The following TLDC2 variants were observed in gnomAD, a reference collection of about 807,000 sequenced individuals.
TLDC2 encodes TLD domain-containing protein 2.
Under a neutral mutation model 27.9 loss-of-function variants are expected in TLDC2, and 23 were observed. The observed-to-expected ratio is 0.82, with a 90% CI of 0.59 to 1.17. TLDC2 has a LOEUF of 1.17. TLDC2 is among the 50% of genes most tolerant of loss of function. The pLI is 0.00. For missense variants in TLDC2, 286 were observed against 273.4 expected (o/e 1.05, Z -0.32); for synonymous variants, 124 against 107.4 (o/e 1.16, Z -0.96).
At chr20:36,880,785 C>T (rs775014373) in intron 4 of TLDC2, 35 bp downstream of exon 4, 7 of 1,597,078 alleles carry the variant, frequency 4.4e-6, no homozygotes, top group Middle Eastern at 1.7e-4. Context: ...GGGAGTGGGG[C>T]GTGTGGCGAG....
intron 4 of TLDC2, among the ~76,000 whole-genome samples, chr20:36,884,284 C>A (rs1285736418): frequency 6.6e-6 from 1 of 152,200 alleles, no homozygotes; most frequent in Non-Finnish European, 1.5e-5. Flanking sequence ...CTGCTCCAAC[C>A]ACACTGGCCT....
intron 4 of TLDC2, among the ~76,000 whole-genome samples, chr20:36,881,113 G>A (rs1989805203): frequency 6.6e-6 from 1 of 152,160 alleles, no homozygotes; most frequent in Non-Finnish European, 1.5e-5. Flanking sequence ...CAGGCACCGT[G>A]GCTCATGCCT....
Position 36,893,530 on chromosome 20 carries a change from T to A in TLDC2, c.*686T>A. The A allele has an allele frequency of 3.6e-6, 1 of 274,148 alleles. No individual in the cohort carries two copies. The highest frequency in any genetic ancestry group is 6.8e-6 in the Non-Finnish European group (1 of 147,366). 17.0% of individuals were successfully genotyped at this position (274,148 alleles called of 1,614,324 possible). Reference sequence around the variant, plus strand: ...TTTAAATTTTTCTCTGCATCAAAGCTCTAACGTTGGTCCCATCAGCATAGG... The same window carrying A: ...TTTAAATTTTTCTCTGCATCAAAGCACTAACGTTGGTCCCATCAGCATAGG... On this transcript the variant is annotated 3_prime_UTR_variant, in exon 7 of 7. Coordinates refer to ENST00000217320, the MANE Select transcript of TLDC2 (RefSeq NM_080628.3).
In TLDC2 at chr20:36,893,089, C is replaced by A. The variant is rs749631141; in HGVS notation, c.*245C>A. The A allele has an allele frequency of 5.6e-6, 9 of 1,610,614 alleles. No individual in the cohort carries two copies. The East Asian group carries it at 1.6e-4, about 28-fold the overall frequency. ...ATCCTATTAGGAAGAGAGAGAAAAACAGGCAATAGAGAAAAGCCAGTTTCC... is the reference window on the plus strand; with the variant it reads ...ATCCTATTAGGAAGAGAGAGAAAAAAAGGCAATAGAGAAAAGCCAGTTTCC... On this transcript the variant is annotated 3_prime_UTR_variant, in exon 7 of 7. Transcript: ENST00000217320.
intron 2 of TLDC2, 149 bp downstream of exon 2, chr20:36,878,203 C>G: frequency 1.2e-6 from 1 of 860,016 alleles, no homozygotes; most frequent in Non-Finnish European, 1.7e-6. Context: ...CTTCTTCTCT[C>G]GGGGCTTTGC....
At position 36,887,497 on chromosome 20, in the gene TLDC2, G is replaced by T; in HGVS notation, c.481G>T (p.Asp161Tyr). The T allele has an allele frequency of 6.2e-7, 1 of 1,614,178 alleles. No homozygotes were observed. Among genetic ancestry groups the T allele is most frequent in the Non-Finnish European group, 8.5e-7 (1 of 1,180,016 alleles). The part of the protein sequence containing the change: ...TGSNSFFVKG[D>Y]LDSLMMGSGS... ...AAGCAACTCTTTCTTTGTGAAGGGA[G>T]ACTTGGATTCACTGATGATGGGCAG... Residue 161 changes from aspartate to tyrosine, a missense_variant, in exon 5 of 7, where the codon GAC (aspartate) becomes TAC (tyrosine). Coordinates refer to ENST00000217320, the MANE Select transcript of TLDC2 (RefSeq NM_080628.3).
At position 36,876,162 on chromosome 20, in the gene TLDC2, C is replaced by A; in HGVS notation, c.-13C>A. ...CACTCACTGCCCACGGCCGGCTGAG[C>A]AGGGACAGGAGAATGAGAGGCCTCC... On this transcript the variant is annotated 5_prime_UTR_variant, in exon 1 of 7. Transcript: ENST00000217320. The A allele has an allele frequency of 6.2e-7, 1 of 1,614,078 alleles. No individual in the cohort carries two copies. The highest frequency in any genetic ancestry group is 2.2e-5 in the East Asian group (1 of 44,878).
chr20:36,889,415 T>C lies in TLDC2; in HGVS notation c.*17+12T>C. On this transcript the variant is annotated intron_variant, in intron 6 of 6. Transcript: ENST00000217320. ...CCCTGCGGCAACAGGTACTCAGCCCTGCTCATGATGCCACCCAGGCCTTCC... is the reference window on the plus strand; with the variant it reads ...CCCTGCGGCAACAGGTACTCAGCCCCGCTCATGATGCCACCCAGGCCTTCC... 5.0e-6 allele frequency: 8 copies of C among 1,608,620 alleles called. No individual in the cohort carries two copies. Among genetic ancestry groups the C allele is most frequent in the Non-Finnish European group, 6.8e-6 (8 of 1,178,136 alleles).
Position 36,892,900 on chromosome 20 carries a change from G to C in TLDC2, c.*56G>C. ...AAGCCTCTAAATGAATTGTGCAGGA[G>C]AGGGAGTTTGTAAACAACTGACTAC... On this transcript the variant is annotated 3_prime_UTR_variant, in exon 7 of 7. Coordinates refer to ENST00000217320, the MANE Select transcript of TLDC2 (RefSeq NM_080628.3). 6.2e-7 allele frequency: 1 copy of C among 1,613,376 alleles called. No homozygotes were observed. The highest frequency in any genetic ancestry group is 8.5e-7 in the Non-Finnish European group (1 of 1,179,372).
chr20:36,887,521 A>G lies in TLDC2; in HGVS notation c.505A>G (p.Ser169Gly). 6.2e-7 allele frequency: 1 copy of G among 1,614,078 alleles called. No homozygotes were observed. Among genetic ancestry groups the G allele is most frequent in the South Asian group, 1.1e-5 (1 of 91,082 alleles). Reference sequence around the variant, plus strand: ...AGACTTGGATTCACTGATGATGGGCAGTGGCAGGTGAGTGTCTCAGTCTTC... The same window carrying G: ...AGACTTGGATTCACTGATGATGGGCGGTGGCAGGTGAGTGTCTCAGTCTTC... Reference protein sequence around the residue: ...KGDLDSLMMGSGSGRFGLWLD... With the variant: ...KGDLDSLMMGGGSGRFGLWLD... Residue 169 changes from serine to glycine, a missense_variant, in exon 5 of 7, where the codon AGT becomes GGT. Transcript: ENST00000217320.
chr20:36,884,875 CTTTTTTT>C (rs11480944), intron 4 of TLDC2, among the ~76,000 whole-genome samples: 7 of 103,228 alleles, frequency 6.8e-5, no homozygotes, highest in Admixed American at 1.2e-4. Context: ...CACAGAAATT[CTTTTTTT>C]TTTTTTTTTT....
rs1219790148 is a variant in TLDC2, at chr20:36,893,745, A to T, written c.*901A>T. On this transcript the variant is annotated 3_prime_UTR_variant, in exon 7 of 7. Coordinates refer to ENST00000217320, the MANE Select transcript of TLDC2 (RefSeq NM_080628.3). The stretch of plus-strand genomic sequence containing the variant: ...CACGATCTTGGAGAGCCTCTGTTGT[A>T]CCAGGAATACAATGCTGGTGGGAGG... 2.5e-6 allele frequency: 1 copy of T among 396,136 alleles called. No individual in the cohort carries two copies. Among genetic ancestry groups the T allele is most frequent in the Non-Finnish European group, 4.4e-6 (1 of 225,204 alleles). The allele number at this position is 396,136 out of a possible 1,614,324, so 24.5% of individuals were successfully genotyped here. A position where few individuals can be genotyped will look rare whatever the true frequency, so the allele number is the denominator to read the frequency against.
At chr20:36,886,475 C>A (rs7263003) in intron 4 of TLDC2, among the ~76,000 whole-genome samples, 1 of 152,140 alleles carries the variant, frequency 6.6e-6, no homozygotes, top group Non-Finnish European at 1.5e-5. Context: ...TGCCTGTAGT[C>A]CCAGCCACTC....
chr20:36,886,450 G>C (rs1490877678), intron 4 of TLDC2, among the ~76,000 whole-genome samples: 1 of 152,178 alleles, frequency 6.6e-6, no homozygotes, highest in Non-Finnish European at 1.5e-5. Flanking sequence ...AAAGTTAGCC[G>C]GGCGTGGTGG....
intron 2 of TLDC2, 125 bp downstream of exon 2, chr20:36,878,179 C>G: frequency 1.9e-5 from 21 of 1,079,114 alleles, no homozygotes; most frequent in Non-Finnish European, 2.7e-5. Context: ...TCATGCGTTA[C>G]CTCCGGCAAA....
At chr20:36,880,847 TG>T in intron 4 of TLDC2, 97 bp downstream of exon 4, 1 of 1,073,390 alleles carries the variant, frequency 9.3e-7, no homozygotes, top group Non-Finnish European at 1.4e-6. Flanking sequence ...CACGATGGGC[TG>T]CCTGGTGTGC....
rs1297351824 is a variant in TLDC2, at chr20:36,893,337, C to T, written c.*493C>T. The T allele has an allele frequency of 3.8e-6, 2 of 520,206 alleles. No individual in the cohort carries two copies. The highest frequency in any genetic ancestry group is 6.9e-6 in the Non-Finnish European group (2 of 289,382). The allele number at this position is 520,206 out of a possible 1,614,324, so 32.2% of individuals were successfully genotyped here. A position where few individuals can be genotyped will look rare whatever the true frequency, so the allele number is the denominator to read the frequency against. On this transcript the variant is annotated 3_prime_UTR_variant, in exon 7 of 7. Coordinates refer to ENST00000217320, the MANE Select transcript of TLDC2 (RefSeq NM_080628.3). ...AGCATACCACTGCCCACCTCTATGG[C>T]CTCCTTCACACACCTTCACGGAGCA... is the stretch of plus-strand genomic sequence containing the variant.
At chr20:36,880,527 G>GT (rs1989790043) in intron 3 of TLDC2, 128 bp from the exon 4 acceptor site, 1 of 679,678 alleles carries the variant, frequency 1.5e-6, no homozygotes, top group Admixed American at 2.8e-5. Context: ...GAGCCCCCAT[G>GT]CCCCAGCTCT....
rs182240208 is a variant in TLDC2 at position 36,893,333 on chromosome 20, A to G, written c.*489A>G. ...GAGCAGCATACCACTGCCCACCTCT[A>G]TGGCCTCCTTCACACACCTTCACGG... On this transcript the variant is annotated 3_prime_UTR_variant, in exon 7 of 7. Coordinates refer to ENST00000217320, the MANE Select transcript of TLDC2 (RefSeq NM_080628.3). The G allele has an allele frequency of 1.9e-6, 1 of 529,084 alleles. No homozygotes were observed. The highest frequency in any genetic ancestry group is 1.9e-5 in the African/African-American group (1 of 52,366). The allele number at this position is 529,084 out of a possible 1,614,324, so 32.8% of individuals were successfully genotyped here.
Sources: allele counts gnomAD v4.1 joint callset (sites outside exome capture counted in the v4.1 genomes callset), GRCh38; gene constraint gnomAD v4.1.1; transcripts MANE v1.5; gene names NCBI Gene and HGNC (gene_info 2026-07-23, HGNC 2026-07-21).